Variants in STARD13 observed in about 807,000 individuals in gnomAD.
STARD13 encodes the protein StAR related lipid transfer domain containing 13.
STARD13 carries 62 observed loss-of-function variants against 106.4 expected under a neutral mutation model. The observed-to-expected ratio is 0.58, with a 90% CI of 0.48 to 0.72. STARD13 has a LOEUF of 0.72. Ranked by LOEUF, STARD13 falls within the 30% of genes least tolerant of loss-of-function variation. STARD13 has a pLI of 0.00. For missense variants in STARD13, 1,387 were observed against 1,424.0 expected, an observed-to-expected ratio of 0.97 and a Z score of 0.42; for synonymous variants, 565 against 553.0, an observed-to-expected ratio of 1.02 and a Z score of -0.31.
At chr13:33,597,828 T>G in the STARD13 span, among the ~76,000 whole-genome samples, 3 of 151,580 alleles carry the variant, frequency 2.0e-5, no homozygotes, top group African/African-American at 7.3e-5. Context: ...CACTCCAGTC[T>G]GGGCAACAAG....
chr13:33,167,453 G>T, intron 2 of STARD13, 98 bp downstream of exon 2: 4 of 1,299,268 alleles, frequency 3.1e-6, no homozygotes, highest in South Asian at 1.3e-5. Flanking sequence ...CAAAATGGGC[G>T]AGAAAAAAAA....
intron 1 of STARD13, among the ~76,000 whole-genome samples, chr13:33,194,350 T>C (rs1886463762): frequency 6.6e-6 from 1 of 152,236 alleles, no homozygotes; most frequent in Non-Finnish European, 1.5e-5. Context: ...ATATTCATTA[T>C]GGAAACATTC....
At chr13:33,161,741 G>GATAAATGT (rs1882651918) in intron 3 of STARD13, among the ~76,000 whole-genome samples, 1 of 152,156 alleles carries the variant, frequency 6.6e-6, no homozygotes, top group Non-Finnish European at 1.5e-5. Flanking sequence ...TTTTCACACT[G>GATAAATGT]CTGATAAAGA....
the STARD13 span, among the ~76,000 whole-genome samples, chr13:33,485,864 C>T: frequency 6.6e-6 from 1 of 152,110 alleles, no homozygotes; most frequent in Admixed American, 6.6e-5. Context: ...AAGGTCCATG[C>T]AGAGATGCAA....
chr13:33,659,048 T>C, the STARD13 span, among the ~76,000 whole-genome samples: 1 of 152,092 alleles, frequency 6.6e-6, no homozygotes, highest in Non-Finnish European at 1.5e-5. Flanking sequence ...CATATCCCTA[T>C]GCATCTGTTC....
At chr13:33,113,974 G>T (rs2138082459) in intron 8 of STARD13, among the ~76,000 whole-genome samples, 1 of 152,254 alleles carries the variant, frequency 6.6e-6, no homozygotes, top group East Asian at 1.9e-4. Flanking sequence ...TGGAGCAGGG[G>T]CCTCCACACG....
At chr13:33,589,069 CATT>C in the STARD13 span, among the ~76,000 whole-genome samples, 1 of 152,202 alleles carries the variant, frequency 6.6e-6, no homozygotes, top group Non-Finnish European at 1.5e-5. Flanking sequence ...ATCATTTACA[CATT>C]AGTATCATCA....
At chr13:33,385,865 A>C in the STARD13 span, among the ~76,000 whole-genome samples, 74 of 115,722 alleles carry the variant, frequency 6.4e-4, no homozygotes, top group African/African-American at 2.7e-3. Flanking sequence ...AAAAAAAAAC[A>C]AAAAAAAAAA....
the STARD13 span, among the ~76,000 whole-genome samples, chr13:33,573,009 T>C: frequency 5.3e-5 from 8 of 152,192 alleles, no homozygotes; most frequent in African/African-American, 1.9e-4. Flanking sequence ...TTATTTCTAC[T>C]TTATTATAAC....
At chr13:33,450,869 G>A in the STARD13 span, among the ~76,000 whole-genome samples, 4 of 152,038 alleles carry the variant, frequency 2.6e-5, no homozygotes, top group Non-Finnish European at 5.9e-5. Flanking sequence ...TGCAGGTGAA[G>A]TTTGTTTTTT....
the STARD13 span, among the ~76,000 whole-genome samples, chr13:33,556,668 T>C: frequency 2.0e-5 from 3 of 152,222 alleles, no homozygotes; most frequent in African/African-American, 7.2e-5. Context: ...GGATTTATGG[T>C]GGATTACCAA....
the STARD13 span, among the ~76,000 whole-genome samples, chr13:33,403,627 G>A: frequency 6.6e-6 from 1 of 152,168 alleles, no homozygotes; most frequent in Non-Finnish European, 1.5e-5. Context: ...TTAATAAGAG[G>A]TGAAACCTAG....
chr13:33,145,390 G>A (rs867935799), intron 3 of STARD13, among the ~76,000 whole-genome samples: 2 of 152,210 alleles, frequency 1.3e-5, no homozygotes, highest in Non-Finnish European at 1.5e-5. Context: ...AACTTCCAAA[G>A]CGTACAGTCT....
chr13:33,406,019 A>G, the STARD13 span, among the ~76,000 whole-genome samples: 2 of 152,214 alleles, frequency 1.3e-5, no homozygotes, highest in Non-Finnish European at 2.9e-5. Flanking sequence ...ATTCCCTTTT[A>G]TCTATATGAG....
At chr13:33,348,533 C>T (rs939172089), downstream of STARD13, 1 of 152,944 alleles carries the variant, frequency 6.5e-6, no homozygotes, top group African/African-American at 2.4e-5. Flanking sequence ...TTCTTGTTTC[C>T]TGAGGACCCA....
At chr13:33,662,867 G>A in the STARD13 span, among the ~76,000 whole-genome samples, 6 of 152,102 alleles carry the variant, frequency 3.9e-5, no homozygotes, top group Non-Finnish European at 7.4e-5. Context: ...TAATGAATAC[G>A]CTCTCCCTAA....
At chr13:33,246,406 C>T (rs760331508) in intron 1 of STARD13, among the ~76,000 whole-genome samples, 17 of 152,198 alleles carry the variant, frequency 1.1e-4, no homozygotes, top group Non-Finnish European at 1.9e-4. Flanking sequence ...CTTCTCAGGG[C>T]TGTATCTTTG....
At chr13:33,617,633 A>G in the STARD13 span, among the ~76,000 whole-genome samples, 2 of 152,210 alleles carry the variant, frequency 1.3e-5, no homozygotes, top group African/African-American at 4.8e-5. Context: ...TCTTCAAAGA[A>G]CCTTTGAAAT....
At chr13:33,142,249 G>T in intron 4 of STARD13, 61 bp downstream of exon 4, 5 of 1,266,748 alleles carry the variant, frequency 3.9e-6, no homozygotes, top group South Asian at 2.4e-5. Flanking sequence ...TGCTCAGATT[G>T]ATCTCAAACT....
Sources: gnomAD v4.1 joint callset for allele counts (sites outside exome capture counted in the v4.1 genomes callset) on GRCh38, gnomAD v4.1.1 for gene constraint, MANE v1.5 for transcripts, NCBI Gene and HGNC (gene_info 2026-07-23, HGNC 2026-07-21) for gene names.